Variants in LMTK3 observed in about 807,000 individuals in gnomAD.
LMTK3 encodes the protein lemur tail kinase 3.
A neutral mutation model predicts 116.7 loss-of-function variants in LMTK3; 27 were observed. That is an observed-to-expected ratio of 0.23 (90% CI 0.17 to 0.32). The LOEUF is 0.32. Ranked by LOEUF, LMTK3 falls within the 10% of genes least tolerant of loss-of-function variation. The pLI is 1.00. For missense variants in LMTK3, 1,764 were observed against 2,068.5 expected (o/e 0.85, Z 2.86); for synonymous variants, 965 against 971.0 (o/e 0.99, Z 0.11).
rs968230630 is a variant in LMTK3, at chr19:48,500,194, C to T, written c.1152-277G>A. ...TCCCAGCACTTTGGGAGGCTGAGGCCGGTGGATCACCTGAGGTCAGGAGTT... is the reference window on the plus strand; with the variant it reads ...TCCCAGCACTTTGGGAGGCTGAGGCTGGTGGATCACCTGAGGTCAGGAGTT... On this transcript the variant is annotated intron_variant, in intron 10 of 14. Coordinates refer to ENST00000600059, the MANE Select transcript of LMTK3 (RefSeq NM_001388485.1). This position sits in a 1 kb window ranked among gnomAD's most constrained non-coding sequence, Gnocchi z 4.0. Among the ~76,000 whole-genome samples, 1 of 150,748 alleles carries T rather than the reference C, an allele frequency of 6.6e-6. No individual in the cohort carries two copies. Among genetic ancestry groups the T allele is most frequent in the Non-Finnish European group, 1.5e-5 (1 of 67,822 alleles).
In LMTK3 at chr19:48,498,801, CGGGG is replaced by C; in HGVS notation, c.2264_2267del (p.Pro755ArgfsTer102). On this transcript the variant is annotated frameshift_variant, in exon 11 of 15. Transcript: ENST00000600059. LOFTEE classifies it high-confidence loss of function. Reference sequence around the variant, plus strand: ...CCGCGGGGGCCCGAGGAGGTGGCGGCGGGGGGGGGGGAGCGGGAGGTGGCCCCCG... The same window carrying C: ...CCGCGGGGGCCCGAGGAGGTGGCGGCGGGGGGGAGCGGGAGGTGGCCCCCG... 3.4e-5 allele frequency: 10 copies of C among 298,056 alleles called. No individual in the cohort carries two copies. The highest frequency in any genetic ancestry group is 4.9e-5 in the Non-Finnish European group (10 of 204,046). The allele number at this position is 298,056 out of a possible 1,614,324, so 18.5% of individuals were successfully genotyped here.
At chr19:48,504,157 C>T (rs916375208) in intron 5 of LMTK3, among the ~76,000 whole-genome samples, 1 of 152,314 alleles carries the variant, frequency 6.6e-6, no homozygotes, top group South Asian at 2.1e-4. Context: ...CGTGAACCAC[C>T]GCACCCTGCC....
chr19:48,501,577 C>A lies in LMTK3; in HGVS notation c.795-15G>T. On this transcript the variant is annotated splice_polypyrimidine_tract_variant and intron_variant, in intron 7 of 14. Transcript: ENST00000600059. The stretch of plus-strand genomic sequence containing the variant: ...GGGCCAGGTCGCTGCGGGAAGAACG[C>A]GAGGAGGTGAGCGCAGGGGCAGCCC... 6.3e-7 allele frequency: 1 copy of A among 1,596,540 alleles called. No individual in the cohort carries two copies. The highest frequency in any genetic ancestry group is 8.5e-7 in the Non-Finnish European group (1 of 1,174,166).
intron 2 of LMTK3, 96 bp from the exon 3 acceptor site, chr19:48,510,269 A>G (rs1972634079): frequency 4.1e-6 from 6 of 1,467,142 alleles, no homozygotes; most frequent in Middle Eastern, 1.8e-4. Flanking sequence ...CATTTTTGTA[A>G]CTGTCTCCCA....
intron 6 of LMTK3, 56 bp from the exon 7 acceptor site, chr19:48,502,637 C>T (rs1264318537): frequency 3.3e-6 from 5 of 1,503,390 alleles, no homozygotes; most frequent in African/African-American, 1.4e-5. Context: ...TCCAGCTAGT[C>T]GGCCCGGAGG....
chr19:48,501,578 G>A lies in LMTK3; in HGVS notation c.795-16C>T, dbSNP rs1166051746. Reference sequence around the variant, plus strand: ...GGCCAGGTCGCTGCGGGAAGAACGCGAGGAGGTGAGCGCAGGGGCAGCCCT... The same window carrying A: ...GGCCAGGTCGCTGCGGGAAGAACGCAAGGAGGTGAGCGCAGGGGCAGCCCT... On this transcript the variant is annotated splice_polypyrimidine_tract_variant and intron_variant, in intron 7 of 14. Transcript: ENST00000600059. The A allele has an allele frequency of 6.3e-7, 1 of 1,594,420 alleles. No homozygotes were observed. Among genetic ancestry groups the A allele is most frequent in the Non-Finnish European group, 8.5e-7 (1 of 1,173,454 alleles).
chr19:48,506,140 G>GA (rs541945051), intron 5 of LMTK3, among the ~76,000 whole-genome samples: 6,066 of 112,972 alleles, frequency 0.054, 172 homozygotes, highest in Middle Eastern at 0.22. Flanking sequence ...GACTTCATCT[G>GA]AAAAAAAAAA....
rs768711297 is a variant in LMTK3 at position 48,498,051 on chromosome 19, A to G, written c.3018T>C (p.Asn1006=). The G allele has an allele frequency of 6.8e-6, 11 of 1,612,482 alleles. No homozygotes were observed. The East Asian group carries it at 2.0e-4, about 29-fold the overall frequency. ...TGTTCCTGGGGAATCTCAGGCCCCC[A>G]TTCTCTGACACCTTGTCCTCGCTCT... is the stretch of plus-strand genomic sequence containing the variant. The part of the protein sequence containing the change: ...PPKSEDKVSE[N]GGLRFPRNTE... Residue 1006 remains asparagine, a synonymous_variant, in exon 11 of 15, where the codon AAT becomes AAC. Coordinates refer to ENST00000600059, the MANE Select transcript of LMTK3 (RefSeq NM_001388485.1).
rs1353737190 is a variant in LMTK3, at chr19:48,501,121, C to T, written c.1026G>A (p.Glu342=). 1.2e-6 allele frequency: 2 copies of T among 1,607,314 alleles called. No individual in the cohort carries two copies. The highest frequency in any genetic ancestry group is 2.7e-5 in the African/African-American group (2 of 74,820). The change falls in exon 10 of 15, where the codon GAG becomes GAA. Residue 342 remains glutamate (E), a synonymous_variant. Coordinates refer to ENST00000600059, the MANE Select transcript of LMTK3 (RefSeq NM_001388485.1). ...NIWSLGVTLW[E]LFEFGAQPYR... The stretch of plus-strand genomic sequence containing the variant: ...AGGGCTGGGCCCCAAACTCAAACAG[C>T]TCCCACAGGGTCACCCCCAGGGACC...
At chr19:48,512,466 C>G (rs1972678696), upstream of LMTK3, among the ~76,000 whole-genome samples, 1 of 152,168 alleles carries the variant, frequency 6.6e-6, no homozygotes, top group African/African-American at 2.4e-5. Context: ...TAGTCACAGC[C>G]ACGCAGACAG....
At chr19:48,506,954 G>A (rs185162847) in intron 5 of LMTK3, among the ~76,000 whole-genome samples, 11 of 152,210 alleles carry the variant, frequency 7.2e-5, no homozygotes, top group East Asian at 1.9e-4. Flanking sequence ...GTGAGCCACC[G>A]TGCCTGGCCA....
Position 48,509,488 on chromosome 19 carries a change from G to A in LMTK3, c.387C>T (p.Ser129=), listed in dbSNP as rs1422560648. Residue 129 remains serine, a synonymous_variant, in exon 4 of 15, where the codon AGC becomes AGT. Transcript: ENST00000600059. ...CCTGCAGGTAGCTCAGGTGCTGCCG[G>A]CTAAGGCCCAGGGGGGTGGTCATGT... is the stretch of plus-strand genomic sequence containing the variant. ...HSDMTTPLGL[S]RQHLSYLQEI... 1 of 1,560,092 alleles carries A rather than the reference G, an allele frequency of 6.4e-7. No homozygotes were observed. Among genetic ancestry groups the A allele is most frequent in the Non-Finnish European group, 8.7e-7 (1 of 1,151,064 alleles).
chr19:48,512,983 C>G (rs1001686473), upstream of LMTK3, among the ~76,000 whole-genome samples: 1 of 152,094 alleles, frequency 6.6e-6, no homozygotes, highest in Non-Finnish European at 1.5e-5. Context: ...CACAAATACA[C>G]ACACCTTTCA....
At position 48,503,006 on chromosome 19, in the gene LMTK3, G is replaced by A; in HGVS notation, c.558-10C>T. On this transcript the variant is annotated splice_polypyrimidine_tract_variant and intron_variant, in intron 5 of 14. Coordinates refer to ENST00000600059, the MANE Select transcript of LMTK3 (RefSeq NM_001388485.1). ...GGGGTGCTGCAGGCTCCTGTGGAGT[G>A]AGGAGGTGGCTGAGTTGGGAAGGCA... The A allele has an allele frequency of 1.3e-6, 2 of 1,597,990 alleles. No homozygotes were observed. Among genetic ancestry groups the A allele is most frequent in the South Asian group, 2.2e-5 (2 of 90,038 alleles).
intron 14 of LMTK3, among the ~76,000 whole-genome samples, chr19:48,486,389 C>T (rs1037209297): frequency 5.9e-5 from 9 of 151,878 alleles, no homozygotes; most frequent in African/African-American, 2.2e-4. Context: ...GTGACTCAGG[C>T]CCCACCTGCA....
chr19:48,494,023 C>T lies in LMTK3; in HGVS notation c.3763G>A (p.Gly1255Ser), dbSNP rs1972280380. 8.7e-7 allele frequency: 1 copy of T among 1,144,746 alleles called. No individual in the cohort carries two copies. The highest frequency in any genetic ancestry group is 1.1e-6 in the Non-Finnish European group (1 of 934,366). The allele number at this position is 1,144,746 out of a possible 1,614,324, so 70.9% of individuals were successfully genotyped here. Residue 1255 changes from glycine (G) to serine (S), a missense_variant, in exon 12 of 15, where the codon GGC (glycine) becomes AGC (serine). Physicochemically the swap from Gly to Ser is moderately conservative, Grantham distance 56. This residue lies in a region of LMTK3 where 39 missense variants were observed against 75.4 expected (regional missense o/e 0.52). Transcript: ENST00000600059. The surrounding 1 kb of genome is among the most constrained non-coding windows in gnomAD (Gnocchi z 4.0). ...CCGCCAGCCGCCCCGGCGTCCGCGC[C>T]CTCCCACGGGGGCCGCCGCGGGCCC... is the stretch of plus-strand genomic sequence containing the variant. ...GPGPRRPPWE[G>S]ADAGAAGGEA...
In LMTK3 at chr19:48,497,752, C is replaced by T. The variant is rs1329078635; in HGVS notation, c.3317G>A (p.Arg1106Lys). 1.5e-6 allele frequency: 2 copies of T among 1,360,238 alleles called. No individual in the cohort carries two copies. The highest frequency in any genetic ancestry group is 1.9e-6 in the Non-Finnish European group (2 of 1,062,258). The allele number at this position is 1,360,238 out of a possible 1,614,324, so 84.3% of individuals were successfully genotyped here. ...GGAPRAPGAG[R>K]LDLGSGGRAP... ...TCGGCCCCCACTCCCGAGGTCCAGC[C>T]TCCCAGCCCCTGGGGCTCTCGGCGC... Residue 1106 changes from arginine (R) to lysine (K), a missense_variant, in exon 11 of 15, where the codon AGG becomes AAG. This residue lies in a region of LMTK3 where 1,028 missense variants were observed against 1,050.6 expected (regional missense o/e 0.98). Transcript: ENST00000600059. This position sits in a 1 kb window ranked among gnomAD's most constrained non-coding sequence, Gnocchi z 5.7.
upstream of LMTK3, among the ~76,000 whole-genome samples, chr19:48,512,850 A>G (rs909966041): frequency 6.6e-6 from 1 of 152,212 alleles, no homozygotes; most frequent in African/African-American, 2.4e-5. Context: ...ACATACAGAC[A>G]CATATAACAT....
In LMTK3 at chr19:48,485,598, G is replaced by C. The variant is rs1008980529; in HGVS notation, c.*175C>G. The C allele has an allele frequency of 1.4e-5, 9 of 647,064 alleles. No individual in the cohort carries two copies. Among genetic ancestry groups the C allele is most frequent in the Admixed American group, 5.8e-5 (2 of 34,698 alleles). 40.1% of individuals were successfully genotyped at this position (647,064 alleles called of 1,614,324 possible). On this transcript the variant is annotated 3_prime_UTR_variant, in exon 15 of 15. Transcript: ENST00000600059. ...GGAGCCATCTGGGGGGCTGGGGGGC[G>C]GGGGCCCGGGGCCTCCCGTTTGGCA...
Sources: gnomAD v4.1 joint callset for allele counts (sites outside exome capture counted in the v4.1 genomes callset) on GRCh38, gnomAD v4.1.1 for gene constraint, gnomAD v4.1.1 regional missense constraint, Gnocchi (gnomAD v3.1) non-coding constraint, MANE v1.5 for transcripts, NCBI Gene and HGNC (gene_info 2026-07-23, HGNC 2026-07-21) for gene names.